The following OSBPL1A variants were observed in gnomAD, a reference collection of about 807,000 sequenced individuals.
OSBPL1A encodes the protein oxysterol-binding protein-related protein 1.
OSBPL1A carries 80 observed loss-of-function variants against 137.1 expected under a neutral mutation model. The ratio of observed to expected loss-of-function variants is 0.58; its 90% CI spans 0.49 to 0.70. OSBPL1A has a LOEUF of 0.70. Among genes scored for constraint, OSBPL1A ranks in the 30% least tolerant of loss-of-function variants. The pLI is 0.00. For synonymous variants in OSBPL1A, 365 were observed against 389.7 expected (o/e 0.94, Z 0.75); for missense variants, 970 against 1,129.4 (o/e 0.86, Z 2.02).
chr18:24,272,599 CTG>C lies in OSBPL1A; in HGVS notation c.1281+8241_1281+8242del, dbSNP rs2089749983. Among the ~76,000 whole-genome samples, 3 of 152,340 alleles carry C rather than the reference CTG, an allele frequency of 2.0e-5. No individual in the cohort carries two copies. In the South Asian group the frequency reaches 6.2e-4, roughly 32 times the overall value. ...TCAGGTTAATGAAATTTATGGTTAACTGTAACACTCTGATGGAGGGAAAGAAA... is the reference window on the plus strand; with the variant it reads ...TCAGGTTAATGAAATTTATGGTTAACTAACACTCTGATGGAGGGAAAGAAA... On this transcript the variant is annotated intron_variant, in intron 15 of 27. Transcript: ENST00000319481.
intron 13 of OSBPL1A, among the ~76,000 whole-genome samples, chr18:24,309,905 G>A (rs1037075235): frequency 3.5e-4 from 53 of 151,986 alleles, no homozygotes; most frequent in African/African-American, 1.2e-3. Context: ...AAATTAGCTG[G>A]GCATGGTGTT....
At chr18:24,185,048 T>G (rs1488039739) in intron 18 of OSBPL1A, among the ~76,000 whole-genome samples, 1 of 152,192 alleles carries the variant, frequency 6.6e-6, no homozygotes, top group Non-Finnish European at 1.5e-5. Flanking sequence ...GAAACTTAGA[T>G]GCCTATTACT....
chr18:24,343,988 C>T (rs1469269876), intron 4 of OSBPL1A, among the ~76,000 whole-genome samples: 1 of 151,902 alleles, frequency 6.6e-6, no homozygotes, highest in African/African-American at 2.4e-5. Flanking sequence ...CATCAAAGGG[C>T]CCTATCAAGA....
chr18:24,164,993 G>C, intron 27 of OSBPL1A, 72 bp downstream of exon 27: 1 of 1,473,070 alleles, frequency 6.8e-7, no homozygotes, highest in South Asian at 1.2e-5. Context: ...CACAGTGTCT[G>C]GCATCCCTGC....
intron 7 of OSBPL1A, among the ~76,000 whole-genome samples, chr18:24,319,674 A>G (rs1463484570): frequency 6.7e-6 from 1 of 149,922 alleles, no homozygotes; most frequent in East Asian, 1.9e-4. Flanking sequence ...ATGAAGGACA[A>G]AAGGTAAAAA....
chr18:24,242,276 G>T (rs1268143347), intron 15 of OSBPL1A, among the ~76,000 whole-genome samples: 1 of 136,490 alleles, frequency 7.3e-6, no homozygotes, highest in Non-Finnish European at 1.6e-5. Context: ...ATATATCCCA[G>T]AACTTTAAGT....
rs551371315 is a variant in OSBPL1A, at chr18:24,391,901, G to T, written c.-3+5754C>A. On this transcript the variant is annotated intron_variant, in intron 1 of 27. Transcript: ENST00000319481. ...TTTTGAGACAGGGTCTGTCACTAAG[G>T]CTGGAGTGCAGTGGCACAATCTCAG... Among the ~76,000 whole-genome samples, 11 of 152,160 alleles carry T rather than the reference G, an allele frequency of 7.2e-5. No individual in the cohort carries two copies. The South Asian group carries it at 1.7e-3, about 23-fold the overall frequency.
chr18:24,251,007 G>A (rs1461873613), intron 15 of OSBPL1A, among the ~76,000 whole-genome samples: 1 of 152,174 alleles, frequency 6.6e-6, no homozygotes, highest in Admixed American at 6.5e-5. Flanking sequence ...GTGCTCACAG[G>A]GAGAGGCTCC....
intron 14 of OSBPL1A, 131 bp downstream of exon 14, chr18:24,303,505 CA>C (rs2090442844): frequency 1.6e-6 from 1 of 615,974 alleles, no homozygotes; most frequent in East Asian, 2.7e-5. Flanking sequence ...TTTAAAGTTT[CA>C]AAATAGTTTT....
intron 17 of OSBPL1A, among the ~76,000 whole-genome samples, chr18:24,203,450 C>T (rs2087276825): frequency 1.3e-5 from 2 of 152,150 alleles, no homozygotes; most frequent in South Asian, 4.1e-4. Context: ...AAATATTACC[C>T]TATAGGTCAC....
chr18:24,320,001 T>A (rs1056529870), intron 7 of OSBPL1A, among the ~76,000 whole-genome samples: 1 of 146,568 alleles, frequency 6.8e-6, no homozygotes. Flanking sequence ...AAAAAAAAAT[T>A]TAATTAGCCA....
chr18:24,388,192 G>A (rs1412718656), intron 1 of OSBPL1A, among the ~76,000 whole-genome samples: 4 of 152,122 alleles, frequency 2.6e-5, no homozygotes, highest in African/African-American at 9.7e-5. Flanking sequence ...CACAATACAT[G>A]AGTCTACGGG....
rs373469036 is a variant in OSBPL1A, at chr18:24,307,092, C to CA, written c.1093-3375dup. On this transcript the variant is annotated intron_variant, in intron 13 of 27. Coordinates refer to ENST00000319481, the MANE Select transcript of OSBPL1A (RefSeq NM_080597.4). ...GCAACATAATGAGACCTAATCTCTACAAAAAAAAAAAAACAAAAACAAAAA... is the reference window on the plus strand; with the variant it reads ...GCAACATAATGAGACCTAATCTCTACAAAAAAAAAAAAAACAAAAACAAAAA... Among the ~76,000 whole-genome samples, 980 of 131,802 alleles carry CA rather than the reference C, an allele frequency of 7.4e-3. 28 individuals are homozygous for CA. In the East Asian group the frequency reaches 0.12, roughly 16 times the overall value. The allele number at this position is 131,802 out of a possible 152,430, so 86.5% of individuals were successfully genotyped here. A position where few individuals can be genotyped will look rare whatever the true frequency, so the allele number is the denominator to read the frequency against.
In OSBPL1A at chr18:24,365,562, C is replaced by T. The variant is rs1258304583; in HGVS notation, c.282+1330G>A. Among the ~76,000 whole-genome samples, 9 of 147,904 alleles carry T rather than the reference C, an allele frequency of 6.1e-5. No homozygotes were observed. The East Asian group carries it at 1.2e-3, about 19-fold the overall frequency. ...TCACACCACTGCACTCCAACCTGGG[C>T]GACAGAGCAAGACTCGGTCTCAAAA... On this transcript the variant is annotated intron_variant, in intron 4 of 27. Coordinates refer to ENST00000319481, the MANE Select transcript of OSBPL1A (RefSeq NM_080597.4).
Position 24,163,629 on chromosome 18 carries a change from T to C in OSBPL1A, c.2751-348A>G, listed in dbSNP as rs1387513700. On this transcript the variant is annotated intron_variant, in intron 27 of 27. Transcript: ENST00000319481. ...GGGTCTTATTTTCCACAAGGCATTTTTTTAAGTAGTTGGGAATAAATTAGG... is the reference window on the plus strand; with the variant it reads ...GGGTCTTATTTTCCACAAGGCATTTCTTTAAGTAGTTGGGAATAAATTAGG... Among the ~76,000 whole-genome samples, 3 of 152,164 alleles carry C rather than the reference T, an allele frequency of 2.0e-5. No individual in the cohort carries two copies. In the East Asian group the frequency reaches 5.8e-4, roughly 29 times the overall value.
chr18:24,266,992 C>T (rs1408416175), intron 15 of OSBPL1A, among the ~76,000 whole-genome samples: 3 of 151,144 alleles, frequency 2.0e-5, no homozygotes, highest in Non-Finnish European at 3.0e-5. Flanking sequence ...AACTAAAGAC[C>T]GTTCTTTGAA....
intron 1 of OSBPL1A, 112 bp downstream of exon 1, chr18:24,397,543 G>A (rs1907842360): frequency 6.6e-6 from 1 of 152,090 alleles, no homozygotes. Flanking sequence ...CGGGACGGGA[G>A]CGCCCACCCC....
chr18:24,301,976 C>A (rs2090409108), intron 14 of OSBPL1A, among the ~76,000 whole-genome samples: 1 of 152,162 alleles, frequency 6.6e-6, no homozygotes, highest in Non-Finnish European at 1.5e-5. Context: ...CGCCTGTAAT[C>A]CCAGCACTTT....
chr18:24,217,312 C>A (rs1015603648), intron 17 of OSBPL1A, among the ~76,000 whole-genome samples: 7 of 145,318 alleles, frequency 4.8e-5, no homozygotes, highest in African/African-American at 1.8e-4. Context: ...GGCTGGAGTG[C>A]AGTGGTGTGA....
Sources: gnomAD v4.1 joint callset for allele counts (sites outside exome capture counted in the v4.1 genomes callset) on GRCh38, gnomAD v4.1.1 for gene constraint, MANE v1.5 for transcripts, NCBI Gene and HGNC (gene_info 2026-07-23, HGNC 2026-07-21) for gene names.